ZNF730: variants seen among roughly 807,000 people sequenced by gnomAD.
ZNF730 encodes the protein putative zinc finger protein 730.
ZNF730 carries 12 observed loss-of-function variants against 12.6 expected under a neutral mutation model. The observed-to-expected ratio is 0.95, with a 90% CI of 0.61 to 1.54. The LOEUF (loss-of-function observed/expected upper bound fraction) is 1.54. ZNF730 is among the 40% of genes most tolerant of loss of function. The probability of loss-of-function intolerance (pLI) is 0.00; values close to 1 mark genes in which losing one functional copy is unlikely to be tolerated. For missense variants in ZNF730, 643 were observed against 583.5 expected (o/e 1.10, Z -1.05); for synonymous variants, 194 against 195.8 (o/e 0.99, Z 0.08).
In ZNF730 at chr19:23,117,191, C is replaced by A. The variant is rs552234538; in HGVS notation, c.3+15C>A. On this transcript the variant is annotated intron_variant, in intron 1 of 3. Transcript: ENST00000597761. Reference sequence around the variant, plus strand: ...GCCTAGAAATGGTGAGAGTGCCGGTCCGACATCCCGAGAGAGGGAACGGGG... The same window carrying A: ...GCCTAGAAATGGTGAGAGTGCCGGTACGACATCCCGAGAGAGGGAACGGGG... 60 of 1,613,946 alleles carry A rather than the reference C, an allele frequency of 3.7e-5. No homozygotes were observed. In the East Asian group the frequency reaches 1.2e-3, roughly 33 times the overall value.
chr19:23,114,585 T>C (rs6511406), upstream of ZNF730, among the ~76,000 whole-genome samples: 151,975 of 152,004 alleles, frequency 1, 75,973 homozygotes, highest in Non-Finnish European at 1. Flanking sequence ...ATCTCCTGAC[T>C]TCATGATCCG....
chr19:23,105,330 G>T (rs1416111350), intron 1 of ZNF730, among the ~76,000 whole-genome samples: 1 of 151,890 alleles, frequency 6.6e-6, no homozygotes, highest in Non-Finnish European at 1.5e-5. Flanking sequence ...TTGGCCAGCT[G>T]CTCCTAAACT....
At chr19:23,110,783 G>A (rs1970452560) in intron 1 of ZNF730, among the ~76,000 whole-genome samples, 1 of 152,218 alleles carries the variant, frequency 6.6e-6, no homozygotes, top group East Asian at 1.9e-4. Flanking sequence ...TCCTAATGAA[G>A]AGATTGATTC....
chr19:23,104,680 CTGTT>C (rs895472203), intron 1 of ZNF730, among the ~76,000 whole-genome samples: 15 of 152,258 alleles, frequency 9.9e-5, no homozygotes, highest in Admixed American at 5.9e-4. Context: ...ACTGGAGAAA[CTGTT>C]TGTTTGTTTG....
At chr19:23,137,229 T>G (rs1031395588) in intron 3 of ZNF730, among the ~76,000 whole-genome samples, 1 of 152,168 alleles carries the variant, frequency 6.6e-6, no homozygotes, top group Non-Finnish European at 1.5e-5. Flanking sequence ...TTAATAGACA[T>G]AAAATATTTT....
At chr19:23,110,035 T>C (rs1970443457) in intron 1 of ZNF730, among the ~76,000 whole-genome samples, 1 of 150,820 alleles carries the variant, frequency 6.6e-6, no homozygotes. Flanking sequence ...GGTGTGATCT[T>C]GGCTCACAGC....
intron 1 of ZNF730, among the ~76,000 whole-genome samples, chr19:23,120,247 G>A (rs1599589405): frequency 6.6e-6 from 1 of 151,988 alleles, no homozygotes; most frequent in African/African-American, 2.4e-5. Flanking sequence ...CTCCCACCTC[G>A]GCTTCCCAAA....
At position 23,131,592 on chromosome 19, in the gene ZNF730, T is replaced by C. The variant is rs1351729317; in HGVS notation, c.4-2488T>C. Reference sequence around the variant, plus strand: ...CTTTAAGGTGGAGATTGATTGTCTTTATTTGTACCAAAAGTGTTTGTATTG... The same window carrying C: ...CTTTAAGGTGGAGATTGATTGTCTTCATTTGTACCAAAAGTGTTTGTATTG... On this transcript the variant is annotated intron_variant, in intron 1 of 3. Coordinates refer to ENST00000597761, the MANE Select transcript of ZNF730 (RefSeq NM_001277403.2). Among the ~76,000 whole-genome samples, 4 of 152,270 alleles carry C rather than the reference T, an allele frequency of 2.6e-5. No homozygotes were observed. The East Asian group carries it at 7.7e-4, about 29-fold the overall frequency.
In ZNF730 at chr19:23,085,866, G is replaced by A. The variant is rs1970055899; in HGVS notation, c.-94+10479G>A. 2.3e-4 allele frequency among the ~76,000 whole-genome samples: 9 copies of A among 39,926 alleles called. No individual in the cohort carries two copies. The Admixed American group carries it at 2.6e-3, about 11-fold the overall frequency. The allele number at this position is 39,926 out of a possible 152,430, so 26.2% of individuals were successfully genotyped here. ...TTTTTTTTTTTTTTTTTTTTTTTGA[G>A]ATGGAGTCTCGCTCTGTCACCCAGG... On this transcript the variant is annotated intron_variant, in intron 1 of 2. Transcript: ENST00000593635.
intron 1 of ZNF730, among the ~76,000 whole-genome samples, chr19:23,098,880 G>A (rs1457620245): frequency 6.6e-6 from 1 of 152,172 alleles, no homozygotes; most frequent in African/African-American, 2.4e-5. Flanking sequence ...CCAGCCAATA[G>A]AAGAGATACT....
intron 1 of ZNF730, among the ~76,000 whole-genome samples, chr19:23,099,041 A>G (rs1970296612): frequency 6.6e-6 from 1 of 152,080 alleles, no homozygotes; most frequent in Non-Finnish European, 1.5e-5. Context: ...AGATTAGATC[A>G]TGTTTCTTGT....
At chr19:23,091,055 C>T (rs1291128360) in intron 1 of ZNF730, among the ~76,000 whole-genome samples, 1 of 151,810 alleles carries the variant, frequency 6.6e-6, no homozygotes, top group Non-Finnish European at 1.5e-5. Flanking sequence ...GCCCAGGGTC[C>T]CCATGCTGTG....
chr19:23,095,583 TA>T (rs2145506273), intron 1 of ZNF730: 1 of 396,682 alleles, frequency 2.5e-6, no homozygotes, highest in Admixed American at 4.4e-5. Context: ...TCACTGGGCC[TA>T]ATACTAAGAT....
intron 1 of ZNF730, among the ~76,000 whole-genome samples, chr19:23,077,263 A>C (rs556045525): frequency 1.3e-4 from 20 of 152,030 alleles, no homozygotes; most frequent in Non-Finnish European, 2.9e-4. Context: ...TCTTCACAAC[A>C]AACCCCCATA....
chr19:23,113,721 T>A (rs1021647748), upstream of ZNF730, among the ~76,000 whole-genome samples: 5 of 152,250 alleles, frequency 3.3e-5, no homozygotes, highest in Middle Eastern at 3.4e-3. Context: ...CCTTTAAAAA[T>A]AATAATAAAA....
chr19:23,145,927 C>A lies in ZNF730; in HGVS notation c.883C>A (p.Gln295Lys), dbSNP rs1971000673. The stretch of plus-strand genomic sequence containing the variant: ...TGAAGAATGTGGCAAAGCCTTTAAC[C>A]AGTCCTCAAACCTTACTGAACATAA... ...KCEECGKAFN[Q>K]SSNLTEHKKI... The change falls in exon 4 of 4, where the codon CAG becomes AAG. Residue 295 changes from glutamine (Q) to lysine (K), a missense_variant. By Grantham distance (53) the Gln-to-Lys change is moderately conservative. Coordinates refer to ENST00000597761, the MANE Select transcript of ZNF730 (RefSeq NM_001277403.2). 4 of 1,610,374 alleles carry A rather than the reference C, an allele frequency of 2.5e-6. No individual in the cohort carries two copies. The African/African-American group carries it at 4.0e-5, about 16-fold the overall frequency.
chr19:23,139,207 A>G (rs1287918016), intron 3 of ZNF730, among the ~76,000 whole-genome samples: 2 of 152,168 alleles, frequency 1.3e-5, no homozygotes, highest in Non-Finnish European at 2.9e-5. Flanking sequence ...TATATCAGAG[A>G]TCCTAACTAT....
intron 2 of ZNF730, 42 bp downstream of exon 2, chr19:23,134,248 G>T (rs755227862): frequency 2.1e-6 from 3 of 1,451,546 alleles, no homozygotes; most frequent in East Asian, 5.2e-5. Context: ...ATACCCTATA[G>T]ATTTCATTTA....
At chr19:23,098,418 T>C (rs1970288153) in intron 1 of ZNF730, 1 of 152,198 alleles carries the variant, frequency 6.6e-6, no homozygotes, top group Admixed American at 6.5e-5. Context: ...ACTTAGGTAA[T>C]GTGACTTTTC....
Sources: gnomAD v4.1 joint callset for allele counts (sites outside exome capture counted in the v4.1 genomes callset) on GRCh38, gnomAD v4.1.1 for gene constraint, MANE v1.5 for transcripts, NCBI Gene and HGNC (gene_info 2026-07-23, HGNC 2026-07-21) for gene names.